The following TRMT2B variants were observed in gnomAD, a reference collection of about 807,000 sequenced individuals.
The protein encoded by TRMT2B is tRNA methyltransferase 2B.
A neutral mutation model predicts 39.7 loss-of-function variants in TRMT2B; 34 were observed. The observed-to-expected ratio is 0.86, with a 90% confidence interval of 0.65 to 1.14. The LOEUF is 1.14. Among genes scored for constraint, TRMT2B ranks in the 50% most tolerant of loss-of-function variants. The pLI is 0.00. For missense variants in TRMT2B, 318 were observed against 377.2 expected (o/e 0.84, Z 1.30); for synonymous variants, 132 against 137.3 (o/e 0.96, Z 0.27).
At chrX:101,042,401 A>G (rs2148063561) in intron 2 of TRMT2B, 89 bp from the exon 3 acceptor site, 1 of 982,642 alleles carries the variant, frequency 1.0e-6, no homozygotes, top group East Asian at 3.1e-5. Flanking sequence ...ATGGAACTGA[A>G]GCGCCTAGCA....
intron 2 of TRMT2B, among the ~76,000 whole-genome samples, chrX:101,044,061 G>A (rs2088430667): frequency 9.1e-6 from 1 of 109,992 alleles, no homozygotes; most frequent in Non-Finnish European, 1.9e-5. Context: ...GGCCAATATG[G>A]TGAAACCCCG....
chrX:101,023,017 T>C (rs1192230388), intron 8 of TRMT2B, among the ~76,000 whole-genome samples: 1 of 112,140 alleles, frequency 8.9e-6, no homozygotes, highest in Non-Finnish European at 1.9e-5. Flanking sequence ...GACAATATCT[T>C]TCCTCCTGCC....
At chrX:101,004,157 T>G in the TRMT2B span, among the ~76,000 whole-genome samples, 4 of 111,265 alleles carry the variant, frequency 3.6e-5, no homozygotes, top group African/African-American at 1.3e-4. Flanking sequence ...TGTGCACCAC[T>G]GTGCCTGGAT....
chrX:100,996,278 G>A, the TRMT2B span, among the ~76,000 whole-genome samples: 8 of 112,173 alleles, frequency 7.1e-5, no homozygotes, highest in East Asian at 8.4e-4. Context: ...AGGGTGGAGC[G>A]GGGAGCGGAG....
the TRMT2B span, among the ~76,000 whole-genome samples, chrX:100,986,469 G>A: frequency 8.9e-6 from 1 of 111,836 alleles, no homozygotes; most frequent in East Asian, 2.8e-4. Context: ...CAGAGTTTGG[G>A]AAAGGATGTA....
At chrX:101,005,880 C>CAA (rs370275736), downstream of TRMT2B, among the ~76,000 whole-genome samples, 71 of 64,175 alleles carry the variant, frequency 1.1e-3, no homozygotes, top group East Asian at 3.8e-3. Context: ...GATTCCCACT[C>CAA]AAAAAAAAAA....
chrX:101,010,033 G>A lies in TRMT2B; in HGVS notation c.*548C>T, dbSNP rs2086187008. 1 of 111,480 alleles carries A rather than the reference G, an allele frequency of 9.0e-6. No individual in the cohort carries two copies. Among genetic ancestry groups the A allele is most frequent in the Admixed American group, 9.7e-5 (1 of 10,336 alleles). 9.2% of individuals were successfully genotyped at this position (111,480 alleles called of 1,213,427 possible). On this transcript the variant is annotated 3_prime_UTR_variant, in exon 14 of 14. Transcript: ENST00000372936. ...ACTAGAACCAAGGCTGACAGCAACA[G>A]GAAGAAACAGTCCAGATCCAGGAGT...
intron 13 of TRMT2B, among the ~76,000 whole-genome samples, chrX:101,013,234 A>G (rs2086346844): frequency 8.9e-6 from 1 of 111,885 alleles, no homozygotes; most frequent in South Asian, 3.7e-4. Context: ...TTATAATCAA[A>G]TACATGACAA....
intron 9 of TRMT2B, among the ~76,000 whole-genome samples, 162 bp downstream of exon 9, chrX:101,021,806 T>C (rs1287102367): frequency 8.9e-6 from 1 of 112,170 alleles, no homozygotes; most frequent in African/African-American, 3.2e-5. Context: ...ATGTGGACAC[T>C]CTCACATCTA....
downstream of TRMT2B, among the ~76,000 whole-genome samples, chrX:101,008,598 G>C (rs182726554): frequency 1.0e-3 from 113 of 111,786 alleles, no homozygotes; most frequent in African/African-American, 3.5e-3. Flanking sequence ...ACTCCATCCT[G>C]GGTGACAGAG....
intron 11 of TRMT2B, among the ~76,000 whole-genome samples, chrX:101,019,734 A>C (rs1249856722): frequency 9.2e-6 from 1 of 108,399 alleles, no homozygotes; most frequent in Non-Finnish European, 1.9e-5. Context: ...CCCGGGTTCA[A>C]GCAATTCTCT....
At chrX:101,011,750 C>T (rs776375763) in intron 13 of TRMT2B, among the ~76,000 whole-genome samples, 3 of 111,138 alleles carry the variant, frequency 2.7e-5, no homozygotes, top group Non-Finnish European at 5.7e-5. Flanking sequence ...AAAAACTAGC[C>T]GGGCATGGTG....
In TRMT2B at chrX:101,024,634, G is replaced by C. The variant is rs189248238; in HGVS notation, c.610-1018C>G. 3.6e-5 allele frequency among the ~76,000 whole-genome samples: 4 copies of C among 111,300 alleles called. No individual in the cohort carries two copies. In the Admixed American group the frequency reaches 3.8e-4, roughly 11 times the overall value. ...GAGGTCAGGAGTTCGAGACCAGCTG[G>C]GCCAACATGGCAACCCCGTCTCTAC... On this transcript the variant is annotated intron_variant, in intron 7 of 13. Transcript: ENST00000372936.
At chrX:101,037,345 G>C (rs2087901531) in intron 5 of TRMT2B, 1 of 321,237 alleles carries the variant, frequency 3.1e-6, no homozygotes, top group Non-Finnish European at 5.5e-6. Context: ...GGTCCCTGTT[G>C]CAACTACTCA....
intron 7 of TRMT2B, among the ~76,000 whole-genome samples, chrX:101,034,394 A>C (rs1319706545): frequency 1.0e-5 from 1 of 98,901 alleles, no homozygotes; most frequent in Non-Finnish European, 2.0e-5. Context: ...CACCCGCCTT[A>C]ACCTCCCAAA....
chrX:101,036,935 T>C (rs372446719), intron 6 of TRMT2B, 39 bp downstream of exon 6: 106 of 1,052,841 alleles, frequency 1.0e-4, no homozygotes, highest in Non-Finnish European at 1.4e-4. Flanking sequence ...CACCCTTTCA[T>C]TCCTCTTCAG....
At chrX:100,980,664 C>T in the TRMT2B span, among the ~76,000 whole-genome samples, 5 of 111,838 alleles carry the variant, frequency 4.5e-5, no homozygotes, top group Admixed American at 9.5e-5. Flanking sequence ...GGAGTCTCTC[C>T]TGATGGCCAC....
At chrX:101,011,835 A>G (rs2086266302) in intron 13 of TRMT2B, among the ~76,000 whole-genome samples, 1 of 111,582 alleles carries the variant, frequency 9.0e-6, no homozygotes. Context: ...TAAAGGTTGC[A>G]GTGAGCTGAG....
At position 101,023,706 on chromosome X, in the gene TRMT2B, G is replaced by A. The variant is rs748186570; in HGVS notation, c.610-90C>T. On this transcript the variant is annotated intron_variant, in intron 7 of 13. Coordinates refer to ENST00000372936, the MANE Select transcript of TRMT2B (RefSeq NM_024917.6). ...TAGGTGATTGTTTGTGTTACATTGT[G>A]TCCCCCAAAAATTCCTATGTTGAAG... is the stretch of plus-strand genomic sequence containing the variant. 158 of 960,715 alleles carry A rather than the reference G, an allele frequency of 1.6e-4. No homozygotes were observed. The African/African-American group carries it at 2.7e-3, about 16-fold the overall frequency. The allele number at this position is 960,715 out of a possible 1,213,427, so 79.2% of individuals were successfully genotyped here. A position where few individuals can be genotyped will look rare whatever the true frequency, so the allele number is the denominator to read the frequency against.
Sources: gnomAD v4.1 joint callset for allele counts (sites outside exome capture counted in the v4.1 genomes callset) on GRCh38, gnomAD v4.1.1 for gene constraint, MANE v1.5 for transcripts, NCBI Gene and HGNC (gene_info 2026-07-23, HGNC 2026-07-21) for gene names.